The following ZNF638 variants were observed in gnomAD, a reference collection of about 807,000 sequenced individuals.
ZNF638 encodes the protein CTCL tumor antigen se33-1.
A neutral mutation model predicts 195.6 loss-of-function variants in ZNF638; 46 were observed. That is an observed-to-expected ratio of 0.24 (90% CI 0.19 to 0.30). ZNF638 has a LOEUF of 0.30. Ranked by LOEUF, ZNF638 falls within the 10% of genes least tolerant of loss-of-function variation. The pLI is 1.00. For synonymous variants in ZNF638, 845 were observed against 772.0 expected, an observed-to-expected ratio of 1.09 and a Z score of -1.57; for missense variants, 2,440 against 2,325.3, an observed-to-expected ratio of 1.05 and a Z score of -1.01.
chr2:71,358,387 C>T (rs951508619), intron 3 of ZNF638, among the ~76,000 whole-genome samples: 2 of 152,162 alleles, frequency 1.3e-5, no homozygotes, highest in Non-Finnish European at 2.9e-5. Flanking sequence ...TCCCCTAATA[C>T]CAAATCGCTC....
At chr2:71,396,940 C>G (rs772117069) in intron 11 of ZNF638, among the ~76,000 whole-genome samples, 1 of 152,146 alleles carries the variant, frequency 6.6e-6, no homozygotes, top group Non-Finnish European at 1.5e-5. Flanking sequence ...GAGTGAGACT[C>G]TGTCTCAAAT....
At chr2:71,376,095 A>T (rs1228846252) in intron 8 of ZNF638, 1 of 152,236 alleles carries the variant, frequency 6.6e-6, no homozygotes, top group Non-Finnish European at 1.5e-5. Flanking sequence ...CAACTTTTTG[A>T]TGAAGTTGGT....
intron 1 of ZNF638, among the ~76,000 whole-genome samples, 184 bp downstream of exon 1, chr2:71,332,059 G>A (rs2104037292): frequency 6.6e-6 from 1 of 152,326 alleles, no homozygotes; most frequent in Admixed American, 6.5e-5. Context: ...GGATGGGAAG[G>A]GAAGCTGTGC....
In ZNF638 at chr2:71,405,619, T is replaced by C. The variant is rs762652916; in HGVS notation, c.2977T>C (p.Leu993=). The C allele has an allele frequency of 6.4e-7, 1 of 1,572,956 alleles. No individual in the cohort carries two copies. The highest frequency in any genetic ancestry group is 1.2e-5 in the South Asian group (1 of 85,986). Reference sequence around the variant, plus strand: ...TTTTTAGGAAGCTATATTTATAACCTTGGTAAAAGAAAATGACCCAGAGGT... The same window carrying C: ...TTTTTAGGAAGCTATATTTATAACCCTGGTAAAAGAAAATGACCCAGAGGT... The part of the protein sequence containing the change: ...IKDEEAIFIT[L]VKENDPEANI... Residue 993 remains leucine (L), a synonymous_variant, in exon 18 of 28, where the codon TTG becomes CTG. Transcript: ENST00000264447.
intron 25 of ZNF638, 23 bp from the exon 26 acceptor site, chr2:71,431,304 T>C (rs374534575): frequency 1.9e-4 from 297 of 1,584,642 alleles, no homozygotes; most frequent in Middle Eastern, 3.3e-4. Context: ...TCTGAATAGC[T>C]TTTTTTCCTC....
chr2:71,420,172 C>T (rs1313912862), intron 21 of ZNF638, among the ~76,000 whole-genome samples: 2 of 151,568 alleles, frequency 1.3e-5, no homozygotes, highest in East Asian at 3.9e-4. Context: ...AAGCTGTTTT[C>T]CCACCTCAGC....
At chr2:71,420,796 T>C (rs1439600162) in intron 21 of ZNF638, among the ~76,000 whole-genome samples, 1 of 152,194 alleles carries the variant, frequency 6.6e-6, no homozygotes, top group East Asian at 1.9e-4. Flanking sequence ...ACTTGATCAA[T>C]ATTGAGGCTT....
chr2:71,431,574 A>C (rs1309363530), intron 26 of ZNF638, 146 bp downstream of exon 26: 4 of 638,888 alleles, frequency 6.3e-6, no homozygotes, highest in Non-Finnish European at 1.1e-5. Context: ...CCTGGCTAAC[A>C]CGGTGAAACC....
At chr2:71,358,015 A>G (rs771091850) in intron 3 of ZNF638, among the ~76,000 whole-genome samples, 19 of 152,154 alleles carry the variant, frequency 1.2e-4, no homozygotes, top group Non-Finnish European at 2.6e-4. Context: ...TAGTTGGGCC[A>G]CCATTCCCTT....
intron 3 of ZNF638, among the ~76,000 whole-genome samples, chr2:71,356,642 C>G (rs902271581): frequency 1.3e-5 from 2 of 152,022 alleles, no homozygotes; most frequent in African/African-American, 4.8e-5. Context: ...ATAAAAAAAT[C>G]AGCCAGGCAT....
chr2:71,412,043 A>G (rs2080239693), intron 20 of ZNF638, among the ~76,000 whole-genome samples: 1 of 117,884 alleles, frequency 8.5e-6, no homozygotes, highest in Admixed American at 8.8e-5. Flanking sequence ...TCCCTGAGGA[A>G]TCACCACACT....
chr2:71,389,904 G>A (rs957042421), intron 10 of ZNF638, among the ~76,000 whole-genome samples: 1 of 152,154 alleles, frequency 6.6e-6, no homozygotes, highest in Non-Finnish European at 1.5e-5. Context: ...GGCAGTTACG[G>A]CCAGGGAACT....
chr2:71,403,397 A>G (rs1001376219), intron 16 of ZNF638, among the ~76,000 whole-genome samples: 7 of 152,174 alleles, frequency 4.6e-5, no homozygotes, highest in Non-Finnish European at 1.5e-5. Flanking sequence ...GTATGGAGCT[A>G]CAGTTTTACA....
intron 1 of ZNF638, among the ~76,000 whole-genome samples, chr2:71,335,490 A>G (rs930759628): frequency 1.3e-5 from 2 of 152,142 alleles, no homozygotes; most frequent in Admixed American, 6.5e-5. Context: ...TAACTTGCCT[A>G]TTGTCTCTGC....
At chr2:71,389,360 A>G (rs2079720812) in intron 10 of ZNF638, among the ~76,000 whole-genome samples, 1 of 152,216 alleles carries the variant, frequency 6.6e-6, no homozygotes, top group Non-Finnish European at 1.5e-5. Context: ...AAGATAAGAA[A>G]AAGCATCAGA....
chr2:71,363,812 G>T (rs1264292846), intron 4 of ZNF638, 142 bp from the exon 5 acceptor site: 5 of 988,036 alleles, frequency 5.1e-6, no homozygotes, highest in Non-Finnish European at 7.2e-6. Flanking sequence ...ATAACAAACA[G>T]ATTTTTGTTT....
intron 6 of ZNF638, 57 bp downstream of exon 6, chr2:71,365,763 C>A: frequency 6.8e-7 from 1 of 1,464,712 alleles, no homozygotes; most frequent in Non-Finnish European, 9.2e-7. Context: ...GTCATCCTCG[C>A]TGGACTGCAG....
chr2:71,393,397 C>T (rs571171839), intron 10 of ZNF638: 3 of 718,666 alleles, frequency 4.2e-6, no homozygotes, highest in Non-Finnish European at 2.6e-6. Context: ...CCCTCAGGCC[C>T]TCTTTGGATT....
At position 71,429,538 on chromosome 2, in the gene ZNF638, A is replaced by G. The variant is rs188183473; in HGVS notation, c.5650+887A>G. On this transcript the variant is annotated intron_variant, in intron 25 of 27. Coordinates refer to ENST00000264447, the MANE Select transcript of ZNF638 (RefSeq NM_014497.5). ...ATATTTTGTTTTATACACATAAAAT[A>G]TAAAATTTGGCCAAGTTTTTCCCAT... Among the ~76,000 whole-genome samples, 34 of 152,352 alleles carry G rather than the reference A, an allele frequency of 2.2e-4. 1 individual carries two copies. In the Middle Eastern group the frequency reaches 0.01, roughly 46 times the overall value.
Sources: allele counts gnomAD v4.1 joint callset (sites outside exome capture counted in the v4.1 genomes callset), GRCh38; gene constraint gnomAD v4.1.1; transcripts MANE v1.5; gene names NCBI Gene and HGNC (gene_info 2026-07-23, HGNC 2026-07-21).